The following SMARCA4 variants were observed in gnomAD, a reference collection of about 807,000 sequenced individuals.
SMARCA4 encodes SWI/SNF-related matrix-associated actin-dependent regulator of chromatin subfamily A member 4.
Under a neutral mutation model 193.9 loss-of-function variants are expected in SMARCA4, and 31 were observed. The observed-to-expected ratio is 0.16, with a 90% confidence interval of 0.12 to 0.22. SMARCA4 has a LOEUF of 0.22. Among genes scored for constraint, SMARCA4 ranks in the 10% least tolerant of loss-of-function variants. The probability of loss-of-function intolerance (pLI) is 1.00; values close to 1 mark genes in which losing one functional copy is unlikely to be tolerated. For missense variants in SMARCA4, 1,148 were observed against 2,296.0 expected, an observed-to-expected ratio of 0.50 and a Z score of 10.22; for synonymous variants, 942 against 933.1, an observed-to-expected ratio of 1.01 and a Z score of -0.17.
intron 30 of SMARCA4, among the ~76,000 whole-genome samples, chr19:11,052,458 G>A (rs1272769087): frequency 6.6e-6 from 1 of 152,078 alleles, no homozygotes; most frequent in Non-Finnish European, 1.5e-5. Context: ...GGGTGTGAAG[G>A]AGGGTCCACA....
At chr19:11,009,084 C>T (rs1189320954) in intron 14 of SMARCA4, among the ~76,000 whole-genome samples, 9 of 117,418 alleles carry the variant, frequency 7.7e-5, no homozygotes, top group Admixed American at 1.2e-4. Context: ...TACAGTGGTG[C>T]GATCTTGGCT....
At chr19:10,969,619 G>A (rs1486165653) in intron 1 of SMARCA4, among the ~76,000 whole-genome samples, 1 of 151,238 alleles carries the variant, frequency 6.6e-6, no homozygotes, top group South Asian at 2.1e-4. Context: ...TAGTAGAGAC[G>A]GGGTTTCTCC....
chr19:10,992,583 C>T (rs1156464585), intron 8 of SMARCA4, among the ~76,000 whole-genome samples: 1 of 151,854 alleles, frequency 6.6e-6, no homozygotes, highest in East Asian at 1.9e-4. Flanking sequence ...CGCCGCCACA[C>T]CTGTTTGTTT....
intron 13 of SMARCA4, among the ~76,000 whole-genome samples, chr19:11,005,932 T>G (rs1485962594): frequency 6.6e-6 from 1 of 152,218 alleles, no homozygotes; most frequent in African/African-American, 2.4e-5. Context: ...TTTGCCCACC[T>G]CCTCATTTGG....
chr19:11,060,775 TA>T (rs1161127009), intron 34 of SMARCA4, among the ~76,000 whole-genome samples: 2 of 152,154 alleles, frequency 1.3e-5, no homozygotes, highest in African/African-American at 4.8e-5. Context: ...CTGCATGGAT[TA>T]GGGGGCTGCC....
At position 11,041,176 on chromosome 19, in the gene SMARCA4, A is replaced by G. The variant is rs1360646597; in HGVS notation, c.4171-131A>G. The G allele has an allele frequency of 1.0e-6, 1 of 953,286 alleles. No individual in the cohort carries two copies. The highest frequency in any genetic ancestry group is 1.6e-6 in the Non-Finnish European group (1 of 631,530). 59.1% of individuals were successfully genotyped at this position (953,286 alleles called of 1,614,324 possible). On this transcript the variant is annotated intron_variant, in intron 29 of 34. Transcript: ENST00000344626. The surrounding 1 kb of genome is among the most constrained non-coding windows in gnomAD (Gnocchi z 5.6). ...CCCAGTGTGTGTTATGCCCCGAGCC[A>G]GTCAAGCTGAAGGGAGAGCGGGTGC...
intron 11 of SMARCA4, among the ~76,000 whole-genome samples, chr19:11,002,794 C>T (rs887896409): frequency 1.6e-4 from 20 of 128,484 alleles, no homozygotes; most frequent in Non-Finnish European, 2.6e-4. Context: ...AGCGAGACTC[C>T]GTCTCAAAAA....
At chr19:11,049,111 A>G (rs1400117625) in intron 30 of SMARCA4, among the ~76,000 whole-genome samples, 1 of 152,134 alleles carries the variant, frequency 6.6e-6, no homozygotes, top group Non-Finnish European at 1.5e-5. Context: ...GGGCCACGTA[A>G]GCAGAACAGG....
chr19:10,963,647 C>A (rs568497954), intron 1 of SMARCA4, among the ~76,000 whole-genome samples: 20 of 152,264 alleles, frequency 1.3e-4, no homozygotes, highest in South Asian at 2.1e-4. Context: ...TAGGGCCCCC[C>A]ACTTGTGAAA....
chr19:11,023,743 T>A, intron 20 of SMARCA4, 112 bp downstream of exon 20: 1 of 737,618 alleles, frequency 1.4e-6, no homozygotes, highest in Admixed American at 2.0e-5. Context: ...CCCTGGTCAA[T>A]CCAGCTTGGG....
chr19:10,997,285 G>A (rs1013496250), intron 11 of SMARCA4, among the ~76,000 whole-genome samples: 3 of 152,010 alleles, frequency 2.0e-5, no homozygotes, highest in South Asian at 2.1e-4. Flanking sequence ...TGCAAGCTCC[G>A]CCTCCTGGGT....
intron 16 of SMARCA4, among the ~76,000 whole-genome samples, chr19:11,017,481 C>A (rs2089470365): frequency 6.6e-6 from 1 of 152,268 alleles, no homozygotes; most frequent in Non-Finnish European, 1.5e-5. Context: ...AGGGCCCGCG[C>A]GCTAGGAAAT....
rs2145744492 is a variant in SMARCA4 at position 10,985,199 on chromosome 19, T to C, written c.223-74T>C. On this transcript the variant is annotated intron_variant, in intron 2 of 34. Transcript: ENST00000344626. This position sits in a 1 kb window ranked among gnomAD's most constrained non-coding sequence, Gnocchi z 4.5. ...TGTTCTCGGTGCCCTCGAGCTTCTC[T>C]CGGGCAGCGCATAGCTGCGCTGCCA... The C allele has an allele frequency of 6.5e-7, 1 of 1,534,564 alleles. No homozygotes were observed.
intron 29 of SMARCA4, chr19:11,039,911 T>A (rs1447739518): frequency 1.9e-5 from 3 of 157,724 alleles, no homozygotes; most frequent in East Asian, 3.6e-4. Flanking sequence ...TAAAACCCTG[T>A]CTCTACTAAA....
rs760748693 is a variant in SMARCA4, at chr19:11,033,547, C to T, written c.3774+30C>T. ...GCCCAGCACCGGCCCCGACCCCTCC[C>T]CAGCGTGAATGGTGGACGCGTGAGC... is the stretch of plus-strand genomic sequence containing the variant. On this transcript the variant is annotated intron_variant, in intron 26 of 34. Coordinates refer to ENST00000344626, the MANE Select transcript of SMARCA4 (RefSeq NM_003072.5). The surrounding 1 kb of genome is among the most constrained non-coding windows in gnomAD (Gnocchi z 9.8). 1.9e-6 allele frequency: 3 copies of T among 1,556,474 alleles called. No homozygotes were observed. The highest frequency in any genetic ancestry group is 1.8e-6 in the Non-Finnish European group (2 of 1,128,526).
At chr19:11,008,705 G>A (rs1308720305) in intron 14 of SMARCA4, among the ~76,000 whole-genome samples, 1 of 152,298 alleles carries the variant, frequency 6.6e-6, no homozygotes, top group Middle Eastern at 3.4e-3. Context: ...TGGGCGTGGT[G>A]GCTCAGGCCT....
At position 10,968,456 on chromosome 19, in the gene SMARCA4, G is replaced by A. The variant is rs140357358; in HGVS notation, c.-32+7282G>A. ...AGTGTGATAGAGTAGCACGGGCCCC[G>A]TTTTTAATAGTGATCGACTTTAAAA... is the stretch of plus-strand genomic sequence containing the variant. On this transcript the variant is annotated intron_variant, in intron 1 of 34. Transcript: ENST00000344626. Among the ~76,000 whole-genome samples the A allele has an allele frequency of 6.0e-3, 908 of 152,084 alleles. 7 individuals are homozygous for A. Among genetic ancestry groups the A allele is most frequent in the African/African-American group, 0.021 (853 of 41,508 alleles).
At chr19:11,026,251 C>T (rs771993199) in intron 22 of SMARCA4, 49 bp from the exon 23 acceptor site, 55 of 1,509,218 alleles carry the variant, frequency 3.6e-5, no homozygotes, top group Middle Eastern at 3.4e-4. Flanking sequence ...CAGCGGGGCC[C>T]GGTGGCCTGC....
chr19:11,017,509 A>G (rs1173062710), intron 16 of SMARCA4, among the ~76,000 whole-genome samples: 1 of 152,250 alleles, frequency 6.6e-6, no homozygotes, highest in African/African-American at 2.4e-5. Flanking sequence ...GCGTATGGGC[A>G]TCCGGCTGTG....
Sources: gnomAD v4.1 joint callset for allele counts (sites outside exome capture counted in the v4.1 genomes callset) on GRCh38, gnomAD v4.1.1 for gene constraint, Gnocchi (gnomAD v3.1) non-coding constraint, MANE v1.5 for transcripts, NCBI Gene and HGNC (gene_info 2026-07-23, HGNC 2026-07-21) for gene names.